Variants in AFF3 observed in about 807,000 individuals in gnomAD.
AFF3 encodes the protein ALF transcription elongation factor 3, also known as AF4/FMR2 family member 3.
A neutral mutation model predicts 129.7 loss-of-function variants in AFF3; 32 were observed. The observed-to-expected ratio is 0.25, with a 90% CI of 0.19 to 0.33. AFF3 has a LOEUF of 0.33. Among genes scored for constraint, AFF3 ranks in the 10% least tolerant of loss-of-function variants. The probability of loss-of-function intolerance (pLI) is 1.00; values close to 1 mark genes in which losing one functional copy is unlikely to be tolerated. For synonymous variants in AFF3, 644 were observed against 635.4 expected, an observed-to-expected ratio of 1.01 and a Z score of -0.20; for missense variants, 1,373 against 1,592.0, an observed-to-expected ratio of 0.86 and a Z score of 2.34.
intron 8 of AFF3, among the ~76,000 whole-genome samples, chr2:99,790,100 T>C (rs1305698941): frequency 6.6e-6 from 1 of 152,226 alleles, no homozygotes; most frequent in African/African-American, 2.4e-5. Flanking sequence ...ACGAAATGAC[T>C]ACTCAAGCAT....
At chr2:100,015,921 T>C (rs1234477933) in intron 4 of AFF3, among the ~76,000 whole-genome samples, 1 of 152,062 alleles carries the variant, frequency 6.6e-6, no homozygotes, top group Non-Finnish European at 1.5e-5. Context: ...GTGGTAGTGA[T>C]GGTGATGATG....
intron 13 of AFF3, among the ~76,000 whole-genome samples, chr2:99,621,029 G>T (rs1267785875): frequency 1.3e-5 from 2 of 152,288 alleles, no homozygotes; most frequent in South Asian, 2.1e-4. Context: ...CCTGGCCTCA[G>T]GTATTCCTTT....
intron 4 of AFF3, among the ~76,000 whole-genome samples, chr2:100,051,437 G>A (rs1387882166): frequency 6.6e-6 from 1 of 152,136 alleles, no homozygotes; most frequent in Non-Finnish European, 1.5e-5. Flanking sequence ...TACTGCTCTT[G>A]CAATGTTCTG....
At chr2:99,896,771 G>A (rs757680394) in intron 7 of AFF3, among the ~76,000 whole-genome samples, 1 of 151,520 alleles carries the variant, frequency 6.6e-6, no homozygotes, top group Non-Finnish European at 1.5e-5. Flanking sequence ...CACTAGCTGG[G>A]ACTACAGGCA....
intron 4 of AFF3, among the ~76,000 whole-genome samples, chr2:100,093,460 A>G (rs991112082): frequency 2.6e-5 from 4 of 152,000 alleles, no homozygotes; most frequent in Admixed American, 2.6e-4. Flanking sequence ...AAAGAAATCA[A>G]TTTATGTAAC....
intron 11 of AFF3, chr2:99,707,202 C>A: frequency 1.0e-6 from 1 of 985,394 alleles, no homozygotes; most frequent in Non-Finnish European, 1.2e-6. Context: ...TCTTCCCCAT[C>A]CACAGTTAAA....
At chr2:99,964,654 T>C (rs1360264894) in intron 7 of AFF3, among the ~76,000 whole-genome samples, 2 of 152,160 alleles carry the variant, frequency 1.3e-5, no homozygotes, top group East Asian at 3.8e-4. Context: ...TACATTAGAA[T>C]GAGGAACTTC....
chr2:99,977,931 C>T (rs1294823733), intron 7 of AFF3, among the ~76,000 whole-genome samples: 1 of 152,220 alleles, frequency 6.6e-6, no homozygotes, highest in African/African-American at 2.4e-5. Flanking sequence ...ACTCCATACT[C>T]ACAATCAGCC....
intron 7 of AFF3, among the ~76,000 whole-genome samples, chr2:99,955,033 G>A (rs1222385632): frequency 6.6e-6 from 1 of 151,736 alleles, no homozygotes; most frequent in Non-Finnish European, 1.5e-5. Flanking sequence ...GTATAGAGAG[G>A]ATAGATTTCA....
intron 7 of AFF3, among the ~76,000 whole-genome samples, chr2:99,860,782 T>C (rs1450865191): frequency 6.6e-6 from 1 of 151,988 alleles, no homozygotes; most frequent in African/African-American, 2.4e-5. Flanking sequence ...ATTCAAGGTA[T>C]ACAATGTGAT....
chr2:99,806,561 C>A (rs554078103), intron 8 of AFF3, among the ~76,000 whole-genome samples: 7 of 152,134 alleles, frequency 4.6e-5, no homozygotes, highest in Non-Finnish European at 1.0e-4. Flanking sequence ...CCACTCCAGA[C>A]TTGATGGGGG....
rs751247423 is a variant in AFF3, at chr2:100,105,722, C to A, written c.-144-139G>T. On this transcript the variant is annotated intron_variant, in intron 2 of 24. Transcript: ENST00000672756. ...TGTCTCCATCAGGGCCCTACCTCTGCTTCTCCACAGTTGGCCTAGAACCGG... is the reference window on the plus strand; with the variant it reads ...TGTCTCCATCAGGGCCCTACCTCTGATTCTCCACAGTTGGCCTAGAACCGG... The A allele has an allele frequency of 1.2e-5, 17 of 1,362,078 alleles. No homozygotes were observed. In the South Asian group the frequency reaches 1.8e-4, roughly 15 times the overall value. The allele number at this position is 1,362,078 out of a possible 1,614,324, so 84.4% of individuals were successfully genotyped here. A position where few individuals can be genotyped will look rare whatever the true frequency, so the allele number is the denominator to read the frequency against.
intron 7 of AFF3, among the ~76,000 whole-genome samples, chr2:99,951,990 C>T (rs745503896): frequency 1.3e-5 from 2 of 152,206 alleles, no homozygotes; most frequent in Admixed American, 6.5e-5. Context: ...TAAAAAGAAG[C>T]GCTAAGCTGC....
rs547849844 is a variant in AFF3, at chr2:99,601,877, G to C, written c.1185-256C>G. On this transcript the variant is annotated intron_variant, in intron 13 of 24. Coordinates refer to ENST00000672756, the MANE Select transcript of AFF3 (RefSeq NM_001386135.1). Reference sequence around the variant, plus strand: ...TAGTCGGGCACTGGTTATTCGTGTGGCCATTTTGGAAGGGAAGGTGGTATA... The same window carrying C: ...TAGTCGGGCACTGGTTATTCGTGTGCCCATTTTGGAAGGGAAGGTGGTATA... Among the ~76,000 whole-genome samples the C allele has an allele frequency of 5.3e-5, 8 of 152,282 alleles. No individual in the cohort carries two copies. In the South Asian group the frequency reaches 1.7e-3, roughly 32 times the overall value.
At chr2:100,079,386 G>A (rs1688860675) in intron 4 of AFF3, among the ~76,000 whole-genome samples, 1 of 152,172 alleles carries the variant, frequency 6.6e-6, no homozygotes, top group Admixed American at 6.5e-5. Context: ...TAATTAATTA[G>A]TTAAAGCCAA....
intron 17 of AFF3, among the ~76,000 whole-genome samples, chr2:99,582,055 A>G (rs1346174407): frequency 6.6e-6 from 1 of 151,834 alleles, no homozygotes; most frequent in Admixed American, 6.6e-5. Context: ...GGGTTTCACC[A>G]TGTTGGCCAG....
intron 14 of AFF3, among the ~76,000 whole-genome samples, chr2:99,594,827 T>C (rs779119198): frequency 5.2e-4 from 79 of 152,294 alleles, no homozygotes; most frequent in Admixed American, 1.0e-3. Context: ...GCAATGACCT[T>C]GGGAAGATGG....
intron 7 of AFF3, among the ~76,000 whole-genome samples, chr2:99,875,209 C>T (rs1410210767): frequency 6.6e-6 from 1 of 152,088 alleles, no homozygotes; most frequent in Non-Finnish European, 1.5e-5. Flanking sequence ...AACCTCTGGG[C>T]CCTTGTCTCT....
intron 7 of AFF3, among the ~76,000 whole-genome samples, chr2:99,895,076 T>C (rs1009864986): frequency 6.6e-6 from 1 of 152,190 alleles, no homozygotes; most frequent in Non-Finnish European, 1.5e-5. Context: ...CACACCATGA[T>C]TACACCACGA....
Sources: allele counts gnomAD v4.1 joint callset (sites outside exome capture counted in the v4.1 genomes callset), GRCh38; gene constraint gnomAD v4.1.1; transcripts MANE v1.5; gene names NCBI Gene and HGNC (gene_info 2026-07-23, HGNC 2026-07-21).